Variants in CDYL observed in about 807,000 individuals in gnomAD.
CDYL encodes the protein chromodomain Y like.
CDYL carries 8 observed loss-of-function variants against 47.3 expected under a neutral mutation model. That is an observed-to-expected ratio of 0.17 (90% CI 0.10 to 0.31). The LOEUF (loss-of-function observed/expected upper bound fraction) is 0.31. CDYL is among the 10% of genes least tolerant of loss of function. The pLI is 1.00. For synonymous variants in CDYL, 266 were observed against 265.0 expected (o/e 1.00, Z -0.04); for missense variants, 471 against 701.4 (o/e 0.67, Z 3.71).
chr6:4,857,938 A>G (rs781679627), intron 1 of CDYL, among the ~76,000 whole-genome samples: 1 of 152,190 alleles, frequency 6.6e-6, no homozygotes, highest in African/African-American at 2.4e-5. Flanking sequence ...ATAGTGATTT[A>G]AAGACGTGGA....
chr6:4,734,825 A>G, exon 3 of CDYL: 1 of 1,614,194 alleles, frequency 6.2e-7, no homozygotes, highest in Non-Finnish European at 8.5e-7. Flanking sequence ...AGCGGGGCAC[A>G]GCAGCCTCCC....
intron 2 of CDYL, among the ~76,000 whole-genome samples, chr6:4,726,060 A>G (rs1456899703): frequency 6.6e-6 from 1 of 152,202 alleles, no homozygotes; most frequent in Non-Finnish European, 1.5e-5. Flanking sequence ...GTCAGCTCCA[A>G]AATGGTCCCC....
intron 1 of CDYL, among the ~76,000 whole-genome samples, chr6:4,876,840 T>G (rs1040862654): frequency 6.6e-6 from 1 of 152,314 alleles, no homozygotes; most frequent in South Asian, 2.1e-4. Flanking sequence ...AGAGGTAGAA[T>G]GCTGTGTTCT....
chr6:4,939,090 A>C (rs984401891), intron 4 of CDYL, among the ~76,000 whole-genome samples: 4 of 152,228 alleles, frequency 2.6e-5, no homozygotes, highest in African/African-American at 9.7e-5. Flanking sequence ...ATGAAAAATG[A>C]AAGAAAACGT....
intron 1 of CDYL, among the ~76,000 whole-genome samples, chr6:4,831,580 A>G (rs1347233647): frequency 1.3e-5 from 2 of 152,126 alleles, no homozygotes; most frequent in East Asian, 1.9e-4. Flanking sequence ...TTGGTTCCAT[A>G]TGAACTTTAA....
intron 3 of CDYL, among the ~76,000 whole-genome samples, chr6:4,766,105 C>T (rs1488999631): frequency 6.6e-6 from 1 of 152,068 alleles, no homozygotes; most frequent in East Asian, 1.9e-4. Flanking sequence ...CCTACAAATA[C>T]TAAAATTTTA....
intron 1 of CDYL, among the ~76,000 whole-genome samples, chr6:4,787,414 A>G (rs1233101741): frequency 6.6e-6 from 1 of 152,176 alleles, no homozygotes; most frequent in Non-Finnish European, 1.5e-5. Flanking sequence ...GATTCGGTTG[A>G]TAGATACATA....
intron 2 of CDYL, among the ~76,000 whole-genome samples, chr6:4,721,919 G>A (rs911954043): frequency 1.3e-5 from 2 of 151,680 alleles, no homozygotes; most frequent in East Asian, 1.9e-4. Flanking sequence ...CTGAAATGCA[G>A]TAGCGTGATT....
At chr6:4,895,731 C>G (rs962485716) in intron 2 of CDYL, among the ~76,000 whole-genome samples, 3 of 152,042 alleles carry the variant, frequency 2.0e-5, no homozygotes, top group Admixed American at 1.3e-4. Context: ...AACTGCAGCC[C>G]TCGCCAGATC....
At chr6:4,852,834 T>C (rs1027368840) in intron 1 of CDYL, among the ~76,000 whole-genome samples, 1 of 149,700 alleles carries the variant, frequency 6.7e-6, no homozygotes, top group Non-Finnish European at 1.5e-5. Flanking sequence ...GGTCTGTCTC[T>C]GTCACCCAGG....
chr6:4,758,351 A>AAAATAT (rs1554134098), intron 3 of CDYL, among the ~76,000 whole-genome samples: 2 of 129,072 alleles, frequency 1.5e-5, no homozygotes, highest in African/African-American at 6.1e-5. Context: ...AAAATAAATA[A>AAAATAT]ATATATATAT....
intron 1 of CDYL, among the ~76,000 whole-genome samples, chr6:4,785,605 C>T (rs1198871079): frequency 6.6e-6 from 1 of 152,180 alleles, no homozygotes; most frequent in African/African-American, 2.4e-5. Flanking sequence ...TTATTAATAG[C>T]ATGTAACTAA....
chr6:4,819,049 A>G (rs746502301), intron 1 of CDYL, among the ~76,000 whole-genome samples: 13 of 151,602 alleles, frequency 8.6e-5, no homozygotes, highest in Non-Finnish European at 1.5e-4. Flanking sequence ...AGTATTGTCC[A>G]TAAATCCAAC....
intron 1 of CDYL, among the ~76,000 whole-genome samples, chr6:4,842,203 ATAAT>A (rs1760521603): frequency 7.2e-6 from 1 of 138,850 alleles, no homozygotes; most frequent in Non-Finnish European, 1.5e-5. Flanking sequence ...AATAATATAA[ATAAT>A]AATATATAAT....
chr6:4,876,687 CA>C (rs1343635497), intron 1 of CDYL, among the ~76,000 whole-genome samples: 1 of 152,148 alleles, frequency 6.6e-6, no homozygotes, highest in Admixed American at 6.5e-5. Flanking sequence ...TCTTTGCCAA[CA>C]TTTTAATTAT....
chr6:4,727,583 C>A, intron 2 of CDYL, among the ~76,000 whole-genome samples: 1 of 83,468 alleles, frequency 1.2e-5, no homozygotes, highest in East Asian at 3.7e-4. Flanking sequence ...CTATCCCCTG[C>A]CTCCCACCCA....
intron 3 of CDYL, among the ~76,000 whole-genome samples, chr6:4,738,802 A>G (rs1390294774): frequency 6.6e-6 from 1 of 152,236 alleles, no homozygotes; most frequent in Admixed American, 6.5e-5. Flanking sequence ...AATAAACTAC[A>G]ATGGAACAAT....
chr6:4,892,524 C>A, intron 2 of CDYL, 145 bp downstream of exon 2: 2 of 830,092 alleles, frequency 2.4e-6, no homozygotes, highest in Non-Finnish European at 3.6e-6. Context: ...CTTCTCCTTT[C>A]TTCGCTGGAA....
intron 1 of CDYL, among the ~76,000 whole-genome samples, chr6:4,850,484 C>G (rs923570793): frequency 1.6e-4 from 24 of 152,154 alleles, no homozygotes; most frequent in African/African-American, 5.8e-4. Context: ...ATTACTTACT[C>G]TTGGGGCTAT....
Sources: gnomAD v4.1 joint callset for allele counts (sites outside exome capture counted in the v4.1 genomes callset) on GRCh38, gnomAD v4.1.1 for gene constraint, MANE v1.5 for transcripts, NCBI Gene and HGNC (gene_info 2026-07-23, HGNC 2026-07-21) for gene names.